Variants in PLEKHA5 observed in about 807,000 individuals in gnomAD.
The protein encoded by PLEKHA5 is pleckstrin homology domain-containing family A member 5.
Under a neutral mutation model 181.9 loss-of-function variants are expected in PLEKHA5, and 55 were observed. The observed-to-expected ratio is 0.30, with a 90% CI of 0.24 to 0.38. The LOEUF (loss-of-function observed/expected upper bound fraction) is 0.38. PLEKHA5 is among the 10% of genes least tolerant of loss of function. The probability of loss-of-function intolerance (pLI) is 1.00; values close to 1 mark genes in which losing one functional copy is unlikely to be tolerated. For synonymous variants in PLEKHA5, 535 were observed against 529.4 expected (o/e 1.01, Z -0.15); for missense variants, 1,432 against 1,549.5 (o/e 0.92, Z 1.27).
chr12:19,175,771 T>A (rs1482989392), intron 3 of PLEKHA5, among the ~76,000 whole-genome samples: 2 of 152,224 alleles, frequency 1.3e-5, no homozygotes, highest in Non-Finnish European at 2.9e-5. Context: ...ACTGAAGAAA[T>A]CTTTCCCTTA....
intron 15 of PLEKHA5, among the ~76,000 whole-genome samples, chr12:19,304,818 G>T (rs2082684596): frequency 6.6e-6 from 1 of 151,902 alleles, no homozygotes; most frequent in African/African-American, 2.4e-5. Flanking sequence ...AAGTCAGCTG[G>T]ATGTGATGCC....
intron 15 of PLEKHA5, chr12:19,306,768 C>A: frequency 1.1e-6 from 1 of 950,448 alleles, no homozygotes; most frequent in Non-Finnish European, 1.7e-6. Flanking sequence ...CAATCGCAAT[C>A]TCGTTAAATT....
Position 19,259,787 on chromosome 12 carries a change from ATTT to A in PLEKHA5, c.538-1147_538-1145del, listed in dbSNP as rs34120370. 2.2e-3 allele frequency among the ~76,000 whole-genome samples: 300 copies of A among 137,672 alleles called. 1 individual carries two copies. The highest frequency in any genetic ancestry group is 2.6e-3 in the African/African-American group (96 of 36,904). The allele number at this position is 137,672 out of a possible 152,430, so 90.3% of individuals were successfully genotyped here. A position where few individuals can be genotyped will look rare whatever the true frequency, so the allele number is the denominator to read the frequency against. ...AATTGAAGATATCATTTGCCATTTA[ATTT>A]TTTTTTTTTTTTTTGGTTTCTTTTT... On this transcript the variant is annotated intron_variant, in intron 6 of 31. Coordinates refer to ENST00000429027, the MANE Select transcript of PLEKHA5 (RefSeq NM_001256470.2).
chr12:19,320,086 A>G (rs1414668602), intron 17 of PLEKHA5, 30 bp downstream of exon 17: 2 of 798,396 alleles, frequency 2.5e-6, no homozygotes, highest in Non-Finnish European at 3.8e-6. Flanking sequence ...ATATATATGT[A>G]TACAATATGT....
At chr12:19,280,322 C>T (rs569144674) in intron 11 of PLEKHA5, among the ~76,000 whole-genome samples, 41 of 152,132 alleles carry the variant, frequency 2.7e-4, no homozygotes, top group African/African-American at 9.4e-4. Context: ...AGGGGTGAGC[C>T]GCTGCACCCA....
chr12:19,366,941 G>A (rs192095461), intron 30 of PLEKHA5, among the ~76,000 whole-genome samples: 2 of 151,964 alleles, frequency 1.3e-5, no homozygotes, highest in Admixed American at 1.3e-4. Context: ...CCTGGAGGCA[G>A]AGTACTCCCT....
chr12:19,223,579 A>G (rs974879584), intron 3 of PLEKHA5, among the ~76,000 whole-genome samples: 3 of 152,268 alleles, frequency 2.0e-5, no homozygotes, highest in South Asian at 4.1e-4. Context: ...CATATCACCG[A>G]TAGTATATAA....
At chr12:19,297,088 T>C (rs1000859394) in intron 15 of PLEKHA5, among the ~76,000 whole-genome samples, 21 of 152,094 alleles carry the variant, frequency 1.4e-4, no homozygotes, top group Non-Finnish European at 2.5e-4. Flanking sequence ...CTACGAAGTA[T>C]GTAGATGGAG....
chr12:19,252,645 A>G (rs1177085153), intron 3 of PLEKHA5, among the ~76,000 whole-genome samples: 1 of 152,130 alleles, frequency 6.6e-6, no homozygotes, highest in African/African-American at 2.4e-5. Flanking sequence ...TTTTTTCAGT[A>G]AATATAACAG....
chr12:19,165,025 A>G (rs370289319), intron 3 of PLEKHA5, among the ~76,000 whole-genome samples: 3 of 152,064 alleles, frequency 2.0e-5, no homozygotes, highest in South Asian at 2.1e-4. Context: ...CACCAAACCA[A>G]CTAACCTCCC....
chr12:19,255,758 A>G (rs2066700993), intron 5 of PLEKHA5, among the ~76,000 whole-genome samples: 1 of 151,792 alleles, frequency 6.6e-6, no homozygotes, highest in Admixed American at 6.6e-5. Flanking sequence ...ATGGATTGAG[A>G]GCCACTAGGT....
chr12:19,311,716 C>T (rs932511160), intron 15 of PLEKHA5, among the ~76,000 whole-genome samples: 1 of 152,286 alleles, frequency 6.6e-6, no homozygotes, highest in Middle Eastern at 3.4e-3. Flanking sequence ...ACCACATCTG[C>T]AGTTCCTTCC....
intron 7 of PLEKHA5, among the ~76,000 whole-genome samples, chr12:19,261,847 A>G (rs1399550946): frequency 6.6e-6 from 1 of 152,226 alleles, no homozygotes; most frequent in Non-Finnish European, 1.5e-5. Context: ...GACCGGTAGC[A>G]AAATTTATAG....
intron 3 of PLEKHA5, among the ~76,000 whole-genome samples, chr12:19,239,182 A>G (rs2061981297): frequency 2.6e-5 from 4 of 152,230 alleles, no homozygotes; most frequent in Admixed American, 1.3e-4. Flanking sequence ...CGAGGAGGAT[A>G]TCTTGATCTT....
intron 3 of PLEKHA5, among the ~76,000 whole-genome samples, chr12:19,248,194 G>A (rs2064279140): frequency 6.6e-6 from 1 of 152,100 alleles, no homozygotes; most frequent in African/African-American, 2.4e-5. Context: ...CTGCATTATG[G>A]CCTGAGGGAT....
At chr12:19,290,009 C>T (rs909923604) in intron 13 of PLEKHA5, among the ~76,000 whole-genome samples, 4 of 151,948 alleles carry the variant, frequency 2.6e-5, no homozygotes, top group African/African-American at 9.7e-5. Flanking sequence ...ATGGCGTGAT[C>T]TCGGCTCACT....
At chr12:19,345,965 A>C in intron 23 of PLEKHA5, 77 bp downstream of exon 23, 4 of 687,964 alleles carry the variant, frequency 5.8e-6, no homozygotes, top group Non-Finnish European at 1.0e-5. Context: ...TGTCTTCTCT[A>C]ATCTTAATAA....
rs759252355 is a variant in PLEKHA5, at chr12:19,353,886, T to G, written c.3022T>G (p.Ser1008Ala). 16 of 1,494,314 alleles carry G rather than the reference T, an allele frequency of 1.1e-5. No homozygotes were observed. Among genetic ancestry groups the G allele is most frequent in the Non-Finnish European group, 1.5e-5 (16 of 1,073,012 alleles). 92.6% of individuals were successfully genotyped at this position (1,494,314 alleles called of 1,614,324 possible). The change falls in exon 26 of 32, where the codon TCC (serine) becomes GCC (alanine). Residue 1008 changes from serine (S) to alanine (A), a missense_variant and splice_region_variant. By Grantham distance (99) the Ser-to-Ala change is moderately conservative. This residue lies in a region of PLEKHA5 where 1,143 missense variants were observed against 1,168.4 expected (regional missense o/e 0.98). Coordinates refer to ENST00000429027, the MANE Select transcript of PLEKHA5 (RefSeq NM_001256470.2). ...CTTACTGCTGTTTTAATTTTTAGGT[T>G]CCCACTTTCCTGTTGGAGTAGTCCC... ...SEIETSVVKGSHFPVGVVPPR... is the reference protein window; with the variant it reads ...SEIETSVVKGAHFPVGVVPPR...
intron 18 of PLEKHA5, chr12:19,321,573 A>G (rs12814577): frequency 0.096 from 13,791 of 143,002 alleles, 710 homozygotes; most frequent in Middle Eastern, 0.19. Flanking sequence ...GGGTTTTGCC[A>G]TGTTAGCCAG....
Sources: gnomAD v4.1 joint callset for allele counts (sites outside exome capture counted in the v4.1 genomes callset) on GRCh38, gnomAD v4.1.1 for gene constraint, gnomAD v4.1.1 regional missense constraint, MANE v1.5 for transcripts, NCBI Gene and HGNC (gene_info 2026-07-23, HGNC 2026-07-21) for gene names.